Variants in TSN observed in about 807,000 individuals in gnomAD.
TSN encodes component 3 of promoter of RISC.
A neutral mutation model predicts 29.4 loss-of-function variants in TSN; 5 were observed. The observed-to-expected ratio is 0.17, with a 90% CI of 0.09 to 0.36. The LOEUF (loss-of-function observed/expected upper bound fraction) is 0.36, where lower values mean the gene tolerates loss of function less well. Among genes scored for constraint, TSN ranks in the 10% least tolerant of loss-of-function variants. TSN has a pLI of 1.00. For synonymous variants in TSN, 106 were observed against 102.2 expected (o/e 1.04, Z -0.23); for missense variants, 159 against 272.8 (o/e 0.58, Z 2.94).
In TSN at chr2:121,755,661, T is replaced by C; in HGVS notation, c.-119T>C. 7.2e-7 allele frequency: 1 copy of C among 1,393,188 alleles called. No individual in the cohort carries two copies. Among genetic ancestry groups the C allele is most frequent in the South Asian group, 1.2e-5 (1 of 84,224 alleles). 86.3% of individuals were successfully genotyped at this position (1,393,188 alleles called of 1,614,324 possible). On this transcript the variant is annotated 5_prime_UTR_variant, in exon 1 of 6. Transcript: ENST00000389682. ...GAGGACCCTAGCGACGGTCGTGGCG[T>C]AAGACCGGGGGGACGCGGCGGTAGC...
chr2:121,764,957 T>G (rs1206456967), intron 5 of TSN, among the ~76,000 whole-genome samples, 177 bp from the exon 6 acceptor site: 1 of 152,238 alleles, frequency 6.6e-6, no homozygotes, highest in Non-Finnish European at 1.5e-5. Context: ...ACTGGTCTCA[T>G]TTTCAGTGGG....
chr2:121,755,750 A>G lies in TSN; in HGVS notation c.-30A>G, dbSNP rs10168879. 8,483 of 1,612,460 alleles carry G rather than the reference A, an allele frequency of 5.3e-3. 345 individuals carry two copies. In the African/African-American group the frequency reaches 0.09, roughly 17 times the overall value. ...GTCCACTTCCTTGGCCGCCCTTGCT[A>G]CACTGGCTGATTGTTGTGCAGCCGG... On this transcript the variant is annotated 5_prime_UTR_variant, in exon 1 of 6. Coordinates refer to ENST00000389682, the MANE Select transcript of TSN (RefSeq NM_004622.3).
rs80243516 is a variant in TSN at position 121,764,815 on chromosome 2, G to A, written c.454-319G>A. Among the ~76,000 whole-genome samples the A allele has an allele frequency of 7.7e-3, 1,174 of 152,206 alleles. 19 individuals are homozygous for A. The highest frequency in any genetic ancestry group is 0.027 in the African/African-American group (1,129 of 41,532). ...GTGGAGCTGCTGTGATTATTTTGTC[G>A]TTTCTTTCTTCGATATGATAGCAGA... is the stretch of plus-strand genomic sequence containing the variant. On this transcript the variant is annotated intron_variant, in intron 5 of 5. Transcript: ENST00000389682.
Position 121,767,626 on chromosome 2 carries a change from A to G in TSN, c.*2259A>G, listed in dbSNP as rs903855083. 6.6e-6 allele frequency: 1 copy of G among 152,158 alleles called. No individual in the cohort carries two copies. The highest frequency in any genetic ancestry group is 2.4e-5 in the African/African-American group (1 of 41,428). The allele number at this position is 152,158 out of a possible 1,614,324, so 9.4% of individuals were successfully genotyped here. A position where few individuals can be genotyped will look rare whatever the true frequency, so the allele number is the denominator to read the frequency against. On this transcript the variant is annotated 3_prime_UTR_variant, in exon 6 of 6. Transcript: ENST00000389682. ...GGGACACTGTCTTATGGATTCATTT[A>G]TAAGAAGAGAACCAGCCATATACAC...
chr2:121,767,221 T>C lies in TSN; in HGVS notation c.*1854T>C, dbSNP rs1417338144. ...TCCATTTGAGGATTTAGAAGTGTCA[T>C]GTTTATAACTATTCAGTTGTGTTTG... On this transcript the variant is annotated 3_prime_UTR_variant, in exon 6 of 6. Transcript: ENST00000389682. 1 of 152,240 alleles carries C rather than the reference T, an allele frequency of 6.6e-6. No homozygotes were observed. Among genetic ancestry groups the C allele is most frequent in the African/African-American group, 2.4e-5 (1 of 41,456 alleles). The allele number at this position is 152,240 out of a possible 1,614,324, so 9.4% of individuals were successfully genotyped here.
At chr2:121,758,254 A>G (rs1558690455) in intron 2 of TSN, among the ~76,000 whole-genome samples, 1 of 152,232 alleles carries the variant, frequency 6.6e-6, no homozygotes, top group Admixed American at 6.5e-5. Flanking sequence ...TTCAGATACA[A>G]GAATGATATA....
chr2:121,760,723 C>T (rs896649620), intron 3 of TSN, among the ~76,000 whole-genome samples: 10 of 152,032 alleles, frequency 6.6e-5, no homozygotes, highest in African/African-American at 1.9e-4. Flanking sequence ...TGGAGGAATA[C>T]GTTGAGGATG....
rs1573393894 is a variant in TSN, at chr2:121,766,134, C to T, written c.*767C>T. ...AAATTGTCTTCATGTACATTTGGAA[C>T]TAACACGTGATGTGATATATTCCTA... is the stretch of plus-strand genomic sequence containing the variant. On this transcript the variant is annotated 3_prime_UTR_variant, in exon 6 of 6. Coordinates refer to ENST00000389682, the MANE Select transcript of TSN (RefSeq NM_004622.3). The T allele has an allele frequency of 1.3e-5, 2 of 152,380 alleles. No individual in the cohort carries two copies. Among genetic ancestry groups the T allele is most frequent in the Non-Finnish European group, 2.9e-5 (2 of 68,052 alleles). The allele number at this position is 152,380 out of a possible 1,614,324, so 9.4% of individuals were successfully genotyped here.
At chr2:121,756,762 A>C in intron 1 of TSN, 1 of 483,640 alleles carries the variant, frequency 2.1e-6, no homozygotes, top group Non-Finnish European at 3.4e-6. Context: ...AAAGAACATT[A>C]ACTGGGCATG....
intron 3 of TSN, among the ~76,000 whole-genome samples, chr2:121,759,335 G>A (rs556606720): frequency 1.4e-4 from 22 of 152,298 alleles, no homozygotes; most frequent in Admixed American, 8.5e-4. Context: ...TGGGCCAGGC[G>A]TGGTGGCTCA....
intron 1 of TSN, 45 bp downstream of exon 1, chr2:121,755,890 G>GT: frequency 6.2e-7 from 1 of 1,612,294 alleles, no homozygotes; most frequent in East Asian, 2.2e-5. Context: ...TCCATGCCTA[G>GT]TTGGGCCACT....
Position 121,763,016 on chromosome 2 carries a change from C to T in TSN, c.385C>T (p.Arg129Trp), listed in dbSNP as rs192017429. Residue 129 changes from arginine (R) to tryptophan (W), a missense_variant, in exon 5 of 6, where the codon CGG becomes TGG. Transcript: ENST00000389682. ...CATGTGTTTTTTAGTTGAGCCAGAT[C>T]GGGAGAAAGGATTTCATCTGGATGT... ...VTEILGIEPD[R>W]EKGFHLDVED... is the part of the protein sequence containing the mutation. 11 of 1,607,086 alleles carry T rather than the reference C, an allele frequency of 6.8e-6. No homozygotes were observed. Among genetic ancestry groups the T allele is most frequent in the Admixed American group, 3.4e-5 (2 of 58,400 alleles).
At chr2:121,758,569 C>G in intron 2 of TSN, 141 bp from the exon 3 acceptor site, 1 of 488,904 alleles carries the variant, frequency 2.0e-6, no homozygotes, top group Non-Finnish European at 3.5e-6. Context: ...ATTTTGAAAG[C>G]CAGGTTGAAA....
chr2:121,762,234 C>T (rs140879405), intron 4 of TSN, among the ~76,000 whole-genome samples: 2,503 of 152,194 alleles, frequency 0.016, 65 homozygotes, highest in African/African-American at 0.057. Context: ...TCAGGTGATC[C>T]GCCTGCCTCA....
At chr2:121,756,558 C>T (rs577759875) in intron 1 of TSN, 4 of 1,048,046 alleles carry the variant, frequency 3.8e-6, no homozygotes, top group Admixed American at 5.2e-5. Flanking sequence ...GTGCTTGGTT[C>T]CCCGGTATTT....
At chr2:121,757,939 T>C (rs1417640423) in intron 2 of TSN, among the ~76,000 whole-genome samples, 4 of 152,146 alleles carry the variant, frequency 2.6e-5, no homozygotes, top group African/African-American at 4.8e-5. Context: ...GTGCTGGGAT[T>C]ACAGGCGTGA....
At chr2:121,761,612 A>G (rs2074829237) in intron 4 of TSN, 88 bp downstream of exon 4, 1 of 1,044,042 alleles carries the variant, frequency 9.6e-7, no homozygotes, top group East Asian at 2.4e-5. Flanking sequence ...GTTTATTAAA[A>G]CAAACAAGAA....
chr2:121,760,236 G>A (rs1446003813), intron 3 of TSN, among the ~76,000 whole-genome samples: 2 of 152,242 alleles, frequency 1.3e-5, no homozygotes, highest in African/African-American at 2.4e-5. Flanking sequence ...GCATGCGAGG[G>A]ATCTAGGTTG....
rs974244352 is a variant in TSN, at chr2:121,767,298, G to C, written c.*1931G>C. ...ATTTTTTTGGTCTTTTTGTAAGTGA[G>C]TGTGCTGCTGTAAGAAATCTCCCAT... On this transcript the variant is annotated 3_prime_UTR_variant, in exon 6 of 6. Coordinates refer to ENST00000389682, the MANE Select transcript of TSN (RefSeq NM_004622.3). The C allele has an allele frequency of 6.6e-6, 1 of 152,090 alleles. No homozygotes were observed. Among genetic ancestry groups the C allele is most frequent in the Non-Finnish European group, 1.5e-5 (1 of 68,026 alleles). The allele number at this position is 152,090 out of a possible 1,614,324, so 9.4% of individuals were successfully genotyped here.
Sources: allele counts gnomAD v4.1 joint callset (sites outside exome capture counted in the v4.1 genomes callset), GRCh38; gene constraint gnomAD v4.1.1; transcripts MANE v1.5; gene names NCBI Gene and HGNC (gene_info 2026-07-23, HGNC 2026-07-21).